KIF26B: variants seen among roughly 807,000 people sequenced by gnomAD.
KIF26B encodes the protein kinesin family member 26B.
A neutral mutation model predicts 151.2 loss-of-function variants in KIF26B; 63 were observed. That is an observed-to-expected ratio of 0.42 (90% CI 0.34 to 0.51). KIF26B has a LOEUF of 0.51. Ranked by LOEUF, KIF26B falls within the 20% of genes least tolerant of loss-of-function variation. KIF26B has a pLI of 0.07. For synonymous variants in KIF26B, 1,357 were observed against 1,262.1 expected (o/e 1.08, Z -1.59); for missense variants, 2,813 against 2,913.6 (o/e 0.97, Z 0.79).
At chr1:245,342,043 C>T (rs925199339) in intron 2 of KIF26B, among the ~76,000 whole-genome samples, 11 of 152,166 alleles carry the variant, frequency 7.2e-5, no homozygotes, top group Non-Finnish European at 4.4e-5. Flanking sequence ...CCTCTTGAAC[C>T]GTAAACCAGA....
At position 245,661,673 on chromosome 1, in the gene KIF26B, A is replaced by G. The variant is rs1178053118; in HGVS notation, c.2258+15393A>G. 2.1e-5 allele frequency among the ~76,000 whole-genome samples: 3 copies of G among 139,586 alleles called. No homozygotes were observed. The Admixed American group carries it at 2.2e-4, about 10-fold the overall frequency. 91.6% of individuals were successfully genotyped at this position (139,586 alleles called of 152,430 possible). A position where few individuals can be genotyped will look rare whatever the true frequency, so the allele number is the denominator to read the frequency against. On this transcript the variant is annotated intron_variant, in intron 10 of 14. Transcript: ENST00000407071. ...TGTTATATATAGACACACACACTCA[A>G]TATATATATATACACCCAATGTTAT...
chr1:245,214,139 C>G (rs1466739632), intron 2 of KIF26B: 1 of 152,158 alleles, frequency 6.6e-6, no homozygotes, highest in African/African-American at 2.4e-5. Flanking sequence ...GAATTTAACA[C>G]TGCTCATTAC....
intron 9 of KIF26B, among the ~76,000 whole-genome samples, chr1:245,619,603 CAAAAAAAAA>C (rs34022501): frequency 9.0e-6 from 1 of 110,776 alleles, no homozygotes; most frequent in Non-Finnish European, 1.8e-5. Flanking sequence ...GAAACTGTTT[CAAAAAAAAA>C]AAAAAAAAAA....
chr1:245,155,233 C>T lies in KIF26B; in HGVS notation c.-192C>T, dbSNP rs1435238470. 2 of 621,174 alleles carry T rather than the reference C, an allele frequency of 3.2e-6. No homozygotes were observed. Among genetic ancestry groups the T allele is most frequent in the Non-Finnish European group, 5.7e-6 (2 of 353,334 alleles). 38.5% of individuals were successfully genotyped at this position (621,174 alleles called of 1,614,324 possible). On this transcript the variant is annotated 5_prime_UTR_variant, in exon 1 of 15. Coordinates refer to ENST00000407071, the MANE Select transcript of KIF26B (RefSeq NM_018012.4). ...GAGAAGAATAAACCAGCGACCCCAACCCTTTCTGCAAATTGGTGCTATTAC... is the reference window on the plus strand; with the variant it reads ...GAGAAGAATAAACCAGCGACCCCAATCCTTTCTGCAAATTGGTGCTATTAC...
chr1:245,227,714 T>C lies in KIF26B; in HGVS notation c.465+71031T>C, dbSNP rs903447199. On this transcript the variant is annotated intron_variant, in intron 2 of 14. Transcript: ENST00000407071. This position sits in a 1 kb window ranked among gnomAD's most constrained non-coding sequence, Gnocchi z 4.1. ...CTTTTGGTAGTCATTAAAAAAACAC[T>C]CTGAGGCTGGGTGTGGTGGCTCACG... 2.0e-5 allele frequency among the ~76,000 whole-genome samples: 3 copies of C among 152,088 alleles called. No homozygotes were observed. The highest frequency in any genetic ancestry group is 4.4e-5 in the Non-Finnish European group (3 of 68,000).
intron 2 of KIF26B, among the ~76,000 whole-genome samples, chr1:245,311,191 T>C (rs1671658972): frequency 6.6e-6 from 1 of 152,152 alleles, no homozygotes; most frequent in Non-Finnish European, 1.5e-5. Context: ...TCCTTTCAGA[T>C]GACCCGCATC....
At chr1:245,449,245 A>G (rs577481911) in intron 4 of KIF26B, among the ~76,000 whole-genome samples, 8 of 152,330 alleles carry the variant, frequency 5.3e-5, no homozygotes, top group Middle Eastern at 3.4e-3. Context: ...GTCGTATGGA[A>G]GTGATTTGCG....
Position 245,231,379 on chromosome 1 carries a change from G to C in KIF26B, c.465+74696G>C, listed in dbSNP as rs557151762. On this transcript the variant is annotated intron_variant, in intron 2 of 14. Transcript: ENST00000407071. ...AAAATACAAAAAATTAGCCGGGCGTGGTGGCAGGCACGTGTAATCCCAGCT... is the reference window on the plus strand; with the variant it reads ...AAAATACAAAAAATTAGCCGGGCGTCGTGGCAGGCACGTGTAATCCCAGCT... 5.9e-5 allele frequency among the ~76,000 whole-genome samples: 9 copies of C among 152,226 alleles called. No homozygotes were observed. The South Asian group carries it at 1.9e-3, about 32-fold the overall frequency.
At chr1:245,547,051 T>C (rs1291571214) in intron 5 of KIF26B, among the ~76,000 whole-genome samples, 1 of 152,226 alleles carries the variant, frequency 6.6e-6, no homozygotes, top group African/African-American at 2.4e-5. Flanking sequence ...GGACAGCACA[T>C]GCGCAGTATG....
At chr1:245,604,235 T>C (rs7545777) in intron 6 of KIF26B, among the ~76,000 whole-genome samples, 82,526 of 152,058 alleles carry the variant, frequency 0.54, 22,725 homozygotes, top group East Asian at 0.69. Flanking sequence ...TAACTAATAA[T>C]CTATAGCAGA....
At chr1:245,189,715 G>A (rs771227668) in intron 2 of KIF26B, among the ~76,000 whole-genome samples, 2 of 152,184 alleles carry the variant, frequency 1.3e-5, no homozygotes, top group Non-Finnish European at 2.9e-5. Context: ...CTCTAGAGCT[G>A]GAAGGTTGTG....
At chr1:245,479,790 A>G (rs1352527926) in intron 4 of KIF26B, among the ~76,000 whole-genome samples, 3 of 151,876 alleles carry the variant, frequency 2.0e-5, no homozygotes, top group African/African-American at 4.8e-5. Context: ...TCAGGTAGCA[A>G]CAGTTGCAAA....
chr1:245,638,230 T>C (rs2043854890), intron 9 of KIF26B, among the ~76,000 whole-genome samples: 1 of 151,846 alleles, frequency 6.6e-6, no homozygotes, highest in African/African-American at 2.4e-5. Flanking sequence ...GAATTTTTAC[T>C]AGGTATGTTT....
At position 245,687,172 on chromosome 1, in the gene KIF26B, A is replaced by C. The variant is rs1370227250; in HGVS notation, c.4189A>C (p.Ile1397Leu). The change falls in exon 12 of 15, where the codon ATT becomes CTT. Residue 1397 changes from isoleucine to leucine, a missense_variant. Coordinates refer to ENST00000407071, the MANE Select transcript of KIF26B (RefSeq NM_018012.4). The surrounding 1 kb of genome is among the most constrained non-coding windows in gnomAD (Gnocchi z 4.9). ...GACCAATATCACAGTTTACCCCTGC[A>C]TTGCCATGAGCCCCCGGAACATCCA... ...MKTNITVYPC[I>L]AMSPRNIQEP... The C allele has an allele frequency of 2.5e-6, 4 of 1,613,112 alleles. No individual in the cohort carries two copies. The highest frequency in any genetic ancestry group is 3.4e-6 in the Non-Finnish European group (4 of 1,179,744).
At chr1:245,437,269 C>G (rs74156704) in intron 4 of KIF26B, among the ~76,000 whole-genome samples, 302 of 152,320 alleles carry the variant, frequency 2.0e-3, no homozygotes, top group African/African-American at 7.0e-3. Context: ...TTCTCTCTCT[C>G]TGCCGAGCTC....
chr1:245,450,315 G>A (rs1385310054), intron 4 of KIF26B, among the ~76,000 whole-genome samples: 1 of 152,140 alleles, frequency 6.6e-6, no homozygotes. Context: ...GGACTTGCCT[G>A]CCACTGACAT....
At chr1:245,331,589 C>A (rs1482444424) in intron 2 of KIF26B, among the ~76,000 whole-genome samples, 4 of 151,978 alleles carry the variant, frequency 2.6e-5, no homozygotes, top group Non-Finnish European at 5.9e-5. Flanking sequence ...TGGGACTGTC[C>A]CTGGATTGGT....
rs1010796791 is a variant in KIF26B, at chr1:245,688,465, G to A, written c.5482G>A (p.Glu1828Lys). ...ARGLQLRAGPEAEARGGALAE... is the reference protein window; with the variant it reads ...ARGLQLRAGPKAEARGGALAE... The stretch of plus-strand genomic sequence containing the variant: ...GGGCTTGCAGCTGCGGGCCGGGCCC[G>A]AGGCGGAGGCGCGCGGGGGGGCCCT... Residue 1828 changes from glutamate (E) to lysine (K), a missense_variant, in exon 12 of 15, where the codon GAG becomes AAG. By Grantham distance (56) the Glu-to-Lys change is moderately conservative. Coordinates refer to ENST00000407071, the MANE Select transcript of KIF26B (RefSeq NM_018012.4). 1.5e-6 allele frequency: 2 copies of A among 1,370,860 alleles called. No individual in the cohort carries two copies. The highest frequency in any genetic ancestry group is 1.9e-6 in the Non-Finnish European group (2 of 1,073,518). 84.9% of individuals were successfully genotyped at this position (1,370,860 alleles called of 1,614,324 possible). A position where few individuals can be genotyped will look rare whatever the true frequency, so the allele number is the denominator to read the frequency against.
rs376034855 is a variant in KIF26B at position 245,240,153 on chromosome 1, ACT to A, written c.465+83473_465+83474del. Among the ~76,000 whole-genome samples the A allele has an allele frequency of 4.9e-3, 740 of 151,898 alleles. 6 individuals are homozygous for A. Among genetic ancestry groups the A allele is most frequent in the African/African-American group, 0.017 (709 of 41,416 alleles). On this transcript the variant is annotated intron_variant, in intron 2 of 14. Transcript: ENST00000407071. ...CTTCCAGCCTGGGCAACAGAGTGAG[ACT>A]CTGTCTCAAAAAAAAAGAGAGTCAT...
Sources: gnomAD v4.1 joint callset for allele counts (sites outside exome capture counted in the v4.1 genomes callset) on GRCh38, gnomAD v4.1.1 for gene constraint, Gnocchi (gnomAD v3.1) non-coding constraint, MANE v1.5 for transcripts, NCBI Gene and HGNC (gene_info 2026-07-23, HGNC 2026-07-21) for gene names.